The following SRPK2 variants were observed in gnomAD, a reference collection of about 807,000 sequenced individuals.
SRPK2 encodes SRSF protein kinase 2, also known as SFRS protein kinase 2.
A neutral mutation model predicts 90.8 loss-of-function variants in SRPK2; 21 were observed. The observed-to-expected ratio is 0.23, with a 90% CI of 0.16 to 0.33. The LOEUF (loss-of-function observed/expected upper bound fraction) is 0.33. SRPK2 is among the 10% of genes least tolerant of loss of function. The probability of loss-of-function intolerance (pLI) is 1.00; values close to 1 mark genes in which losing one functional copy is unlikely to be tolerated. For missense variants in SRPK2, 620 were observed against 869.0 expected, an observed-to-expected ratio of 0.71 and a Z score of 3.60; for synonymous variants, 288 against 311.1, an observed-to-expected ratio of 0.93 and a Z score of 0.78.
At chr7:105,233,592 C>T (rs1585282165) in intron 2 of SRPK2, among the ~76,000 whole-genome samples, 1 of 152,294 alleles carries the variant, frequency 6.6e-6, no homozygotes, top group African/African-American at 2.4e-5. Context: ...GTGGCTCACA[C>T]CTGTTATCCC....
At chr7:105,399,347 T>C, upstream of SRPK2, 1 of 152,192 alleles carries the variant, frequency 6.6e-6, no homozygotes. Flanking sequence ...GTGGCTGGCT[T>C]CCCCCAGAGT....
chr7:105,331,179 C>T (rs1814276362), intron 2 of SRPK2, among the ~76,000 whole-genome samples: 2 of 151,594 alleles, frequency 1.3e-5, no homozygotes, highest in Admixed American at 6.6e-5. Context: ...TGTGGTGGTG[C>T]ATGACTGTAA....
At chr7:105,163,787 C>A (rs1428695651) in intron 6 of SRPK2, among the ~76,000 whole-genome samples, 1 of 151,918 alleles carries the variant, frequency 6.6e-6, no homozygotes, top group Non-Finnish European at 1.5e-5. Context: ...CTCCAGCCTG[C>A]GCAACAAGAG....
At chr7:105,324,058 G>A (rs1016414440) in intron 2 of SRPK2, among the ~76,000 whole-genome samples, 7 of 150,654 alleles carry the variant, frequency 4.6e-5, no homozygotes, top group South Asian at 2.1e-4. Context: ...GTGCAATGGC[G>A]CTATCTTGGC....
In SRPK2 at chr7:105,348,998, T is replaced by C. The variant is rs565400240; in HGVS notation, c.71+39650A>G. ...CCATCTCTACTAAAAATACAAAAAT[T>C]AGCCGGGCGTGGTGGCGCTTTCCTG... is the stretch of plus-strand genomic sequence containing the variant. On this transcript the variant is annotated intron_variant, in intron 2 of 15. Transcript: ENST00000393651. 1.6e-4 allele frequency among the ~76,000 whole-genome samples: 24 copies of C among 146,792 alleles called. 1 individual carries two copies. The South Asian group carries it at 5.0e-3, about 31-fold the overall frequency.
chr7:105,133,062 G>A lies in SRPK2; in HGVS notation c.1586C>T (p.Pro529Leu). The A allele has an allele frequency of 3.7e-6, 6 of 1,614,144 alleles. No homozygotes were observed. Among genetic ancestry groups the A allele is most frequent in the Non-Finnish European group, 4.2e-6 (5 of 1,180,020 alleles). Residue 529 changes from proline to leucine, a missense_variant, in exon 12 of 16, where the codon CCG (proline) becomes CTG (leucine). Transcript: ENST00000393651. ...AADLLVNPLD[P>L]RNADKIRVKI... ...TACTCTAATTTTATCTGCATTCCGC[G>A]GATCCAGGGGATTCACCAACAAGTC...
chr7:105,143,637 A>C (rs1584936976), intron 9 of SRPK2: 8 of 322,420 alleles, frequency 2.5e-5, no homozygotes, highest in South Asian at 2.2e-4. Flanking sequence ...TCTTGGCCTT[A>C]AAGGAGAAGC....
downstream of SRPK2, among the ~76,000 whole-genome samples, chr7:105,115,938 G>A (rs1006915764): frequency 9.9e-5 from 15 of 152,014 alleles, no homozygotes; most frequent in Non-Finnish European, 2.1e-4. Context: ...GAATTTACAT[G>A]GAAACCTACA....
chr7:105,326,332 TTGAAA>T (rs1354103507), intron 2 of SRPK2, among the ~76,000 whole-genome samples: 1 of 152,188 alleles, frequency 6.6e-6, no homozygotes, highest in African/African-American at 2.4e-5. Context: ...TTTTTAAAAT[TTGAAA>T]GAAAGCTGCG....
In SRPK2 at chr7:105,291,044, C is replaced by CAAAAAA. The variant is rs10684672; in HGVS notation, c.72-87265_72-87260dup. Among the ~76,000 whole-genome samples the CAAAAAA allele has an allele frequency of 1.4e-3, 113 of 83,690 alleles. 1 individual carries two copies. Among genetic ancestry groups the CAAAAAA allele is most frequent in the African/African-American group, 5.3e-3 (104 of 19,754 alleles). The allele number at this position is 83,690 out of a possible 152,430, so 54.9% of individuals were successfully genotyped here. On this transcript the variant is annotated intron_variant, in intron 2 of 15. Coordinates refer to ENST00000393651, the MANE Select transcript of SRPK2 (RefSeq NM_182692.3). The stretch of plus-strand genomic sequence containing the variant: ...TGGGCGACAGAGCGAGACTCCGTCT[C>CAAAAAA]AAAAAAAAAAAAAAAAAAAAAGAAA...
At chr7:105,365,573 G>A (rs1202737748) in intron 2 of SRPK2, among the ~76,000 whole-genome samples, 3 of 150,192 alleles carry the variant, frequency 2.0e-5, no homozygotes, top group Non-Finnish European at 4.4e-5. Flanking sequence ...CCAACACTCT[G>A]GGAGGTCAAG....
At chr7:105,133,858 AG>A (rs1386779206) in intron 11 of SRPK2, among the ~76,000 whole-genome samples, 1 of 152,136 alleles carries the variant, frequency 6.6e-6, no homozygotes, top group African/African-American at 2.4e-5. Flanking sequence ...GGAATCTCAA[AG>A]GCAGGTATAG....
chr7:105,288,792 C>T (rs1162426967), intron 2 of SRPK2, among the ~76,000 whole-genome samples: 1 of 152,060 alleles, frequency 6.6e-6, no homozygotes, highest in Non-Finnish European at 1.5e-5. Flanking sequence ...AGATGCTCTT[C>T]TCCTGGACCA....
intron 2 of SRPK2, chr7:105,204,904 C>T (rs971598497): frequency 1.5e-5 from 6 of 389,346 alleles, no homozygotes; most frequent in Non-Finnish European, 2.9e-5. Context: ...TGCTAGATTT[C>T]CTTTTGGAAC....
intron 3 of SRPK2, among the ~76,000 whole-genome samples, chr7:105,175,917 G>GA (rs1157580380): frequency 6.6e-6 from 1 of 151,774 alleles, no homozygotes; most frequent in Non-Finnish European, 1.5e-5. Context: ...TTGATATTAT[G>GA]AAAAAAATAC....
chr7:105,222,263 AG>A (rs1798186841), intron 2 of SRPK2, among the ~76,000 whole-genome samples: 1 of 152,248 alleles, frequency 6.6e-6, no homozygotes. Flanking sequence ...TCTAAACACC[AG>A]GAAGAATCTT....
chr7:105,377,251 G>A (rs557467910), intron 2 of SRPK2, among the ~76,000 whole-genome samples: 1 of 152,192 alleles, frequency 6.6e-6, no homozygotes, highest in Non-Finnish European at 1.5e-5. Flanking sequence ...CTCTTCACAT[G>A]TTAATGCACC....
At position 105,142,184 on chromosome 7, in the gene SRPK2, A is replaced by G. The variant is rs1201899841; in HGVS notation, c.1367T>C (p.Ile456Thr). 3 of 1,614,016 alleles carry G rather than the reference A, an allele frequency of 1.9e-6. No homozygotes were observed. Among genetic ancestry groups the G allele is most frequent in the Non-Finnish European group, 2.5e-6 (3 of 1,180,026 alleles). The change falls in exon 11 of 16, where the codon ATT (isoleucine) becomes ACT (threonine). Residue 456 changes from isoleucine to threonine, a missense_variant. Coordinates refer to ENST00000393651, the MANE Select transcript of SRPK2 (RefSeq NM_182692.3). ...AAACTCTGGGAACTGTGACTCGGGAATTTTATGTCGTCCATTTGGCAATTC... is the reference window on the plus strand; with the variant it reads ...AAACTCTGGGAACTGTGACTCGGGAGTTTTATGTCGTCCATTTGGCAATTC... ...NGELPNGRHK[I>T]PESQFPEFST... is the part of the protein sequence containing the mutation.
intron 2 of SRPK2, among the ~76,000 whole-genome samples, chr7:105,388,135 G>A (rs901976953): frequency 7.9e-5 from 12 of 151,430 alleles, no homozygotes; most frequent in Non-Finnish European, 1.5e-4. Flanking sequence ...TCAGCAGAAA[G>A]GCCGACAGGC....
Sources: gnomAD v4.1 joint callset for allele counts (sites outside exome capture counted in the v4.1 genomes callset) on GRCh38, gnomAD v4.1.1 for gene constraint, MANE v1.5 for transcripts, NCBI Gene and HGNC (gene_info 2026-07-23, HGNC 2026-07-21) for gene names.